The following EML6 variants were observed in gnomAD, a reference collection of about 807,000 sequenced individuals.
EML6 encodes echinoderm microtubule-associated protein-like 6.
In EML6, 154 loss-of-function variants were observed where a neutral mutation model predicts 240.1. The ratio of observed to expected loss-of-function variants is 0.64; its 90% CI spans 0.56 to 0.73. The LOEUF is 0.73. Among genes scored for constraint, EML6 ranks in the 30% least tolerant of loss-of-function variants. EML6 has a pLI of 0.00. For missense variants in EML6, 2,964 were observed against 2,474.6 expected (o/e 1.20, Z -4.20); for synonymous variants, 1,148 against 899.0 (o/e 1.28, Z -4.95).
intron 2 of EML6, among the ~76,000 whole-genome samples, chr2:54,794,680 C>T (rs1669657738): frequency 6.6e-6 from 1 of 152,176 alleles, no homozygotes; most frequent in African/African-American, 2.4e-5. Context: ...GCTGGGCCAC[C>T]TGTAAATGGT....
intron 13 of EML6, among the ~76,000 whole-genome samples, chr2:54,865,252 G>A (rs918571935): frequency 6.7e-6 from 1 of 150,008 alleles, no homozygotes; most frequent in Non-Finnish European, 1.5e-5. Flanking sequence ...GCTTTGGGAG[G>A]ACAAAGTGGG....
chr2:54,799,168 C>A (rs1467769113), intron 2 of EML6, among the ~76,000 whole-genome samples: 1 of 152,212 alleles, frequency 6.6e-6, no homozygotes, highest in African/African-American at 2.4e-5. Context: ...TCAAGTGATT[C>A]TCTTGCCTCA....
At chr2:54,738,373 A>G (rs1325660130) in intron 2 of EML6, among the ~76,000 whole-genome samples, 3 of 152,204 alleles carry the variant, frequency 2.0e-5, no homozygotes, top group African/African-American at 2.4e-5. Context: ...TATGAAGCCT[A>G]TAGACACCAT....
chr2:54,864,320 C>A (rs566246532), intron 13 of EML6, among the ~76,000 whole-genome samples: 1 of 152,278 alleles, frequency 6.6e-6, no homozygotes, highest in South Asian at 2.1e-4. Context: ...TATTAACTTA[C>A]TGCAACCATT....
intron 7 of EML6, among the ~76,000 whole-genome samples, chr2:54,840,493 T>C (rs988282161): frequency 1.3e-5 from 2 of 152,254 alleles, no homozygotes; most frequent in Admixed American, 6.5e-5. Flanking sequence ...CTTTTTCAAA[T>C]GTAATCTTCA....
chr2:54,906,343 C>G (rs968986626), intron 24 of EML6, among the ~76,000 whole-genome samples: 2 of 152,114 alleles, frequency 1.3e-5, no homozygotes, highest in Non-Finnish European at 1.5e-5. Flanking sequence ...AAGTAAGTCC[C>G]AGATAGAAAG....
chr2:54,866,621 GA>G lies in EML6; in HGVS notation c.1933-140del. 6.6e-6 allele frequency: 3 copies of G among 452,614 alleles called. No homozygotes were observed. In the East Asian group the frequency reaches 9.9e-5, roughly 15 times the overall value. 28.0% of individuals were successfully genotyped at this position (452,614 alleles called of 1,614,324 possible). On this transcript the variant is annotated intron_variant, in intron 13 of 41. Coordinates refer to ENST00000356458, the MANE Select transcript of EML6 (RefSeq NM_001039753.4). ...AGTTCATATTAGTTTTATTCATTAG[GA>G]AAAAGTAATATTCATTCTCATGTCT...
intron 8 of EML6, among the ~76,000 whole-genome samples, chr2:54,845,542 A>C (rs778166875): frequency 3.3e-5 from 5 of 152,260 alleles, no homozygotes; most frequent in Non-Finnish European, 5.9e-5. Context: ...AAATTTAGGA[A>C]GGCTAAAAGT....
chr2:54,940,138 C>T (rs898350620), intron 28 of EML6, among the ~76,000 whole-genome samples: 5 of 152,178 alleles, frequency 3.3e-5, no homozygotes, highest in East Asian at 1.9e-4. Flanking sequence ...AACTGACAGG[C>T]GCTAGCACCA....
chr2:54,930,779 G>A (rs925221285), intron 28 of EML6, among the ~76,000 whole-genome samples: 2 of 152,030 alleles, frequency 1.3e-5, no homozygotes, highest in Non-Finnish European at 2.9e-5. Flanking sequence ...AGCATGCCGG[G>A]AGCAGAGTGG....
chr2:54,887,896 C>G (rs1672239504), intron 17 of EML6, among the ~76,000 whole-genome samples: 1 of 152,204 alleles, frequency 6.6e-6, no homozygotes, highest in Non-Finnish European at 1.5e-5. Flanking sequence ...TGTTACAATT[C>G]ATGAACCTAC....
chr2:54,744,904 G>GCACACACACA (rs1683833253), intron 2 of EML6, among the ~76,000 whole-genome samples: 1 of 58,938 alleles, frequency 1.7e-5, no homozygotes. Flanking sequence ...ACACACACAC[G>GCACACACACA]TACACACACA....
chr2:54,928,668 C>T lies in EML6; in HGVS notation c.3921C>T (p.Thr1307=). The change falls in exon 28 of 42, where the codon ACC becomes ACT. Residue 1307 remains threonine, a synonymous_variant. Transcript: ENST00000356458. The stretch of plus-strand genomic sequence containing the variant: ...CTAGAGAAAAGGCCATTGACTACAC[C>T]ACCAAGATTTATGCTGTGAGCATCA... ...DVAREKAIDY[T]TKIYAVSIRE... 6.4e-7 allele frequency: 1 copy of T among 1,552,052 alleles called. No homozygotes were observed. Among genetic ancestry groups the T allele is most frequent in the Non-Finnish European group, 8.7e-7 (1 of 1,147,050 alleles).
intron 28 of EML6, among the ~76,000 whole-genome samples, chr2:54,942,745 G>A (rs1036443203): frequency 6.6e-6 from 1 of 152,126 alleles, no homozygotes; most frequent in African/African-American, 2.4e-5. Context: ...CATGCCCTGG[G>A]TTACATCATC....
At chr2:54,753,641 C>G (rs1684270502) in intron 2 of EML6, among the ~76,000 whole-genome samples, 1 of 151,372 alleles carries the variant, frequency 6.6e-6, no homozygotes. Context: ...CCTAGGGCCC[C>G]CAGTAAGAAT....
chr2:54,964,276 A>G (rs952910891), intron 37 of EML6, 118 bp downstream of exon 37: 2 of 1,007,062 alleles, frequency 2.0e-6, no homozygotes, highest in East Asian at 5.2e-5. Context: ...CACTTTCAAC[A>G]AGCCACCTAT....
chr2:54,896,841 C>CAAGG (rs1672797543), intron 21 of EML6, among the ~76,000 whole-genome samples: 1 of 152,088 alleles, frequency 6.6e-6, no homozygotes, highest in Non-Finnish European at 1.5e-5. Flanking sequence ...AACACAGGTG[C>CAAGG]CCAAATCCCA....
chr2:54,890,359 A>G (rs1420528913), intron 17 of EML6, among the ~76,000 whole-genome samples: 1 of 152,166 alleles, frequency 6.6e-6, no homozygotes, highest in Non-Finnish European at 1.5e-5. Context: ...TATTAAAATT[A>G]TGTCCTAATA....
At chr2:54,843,902 A>T (rs1669603544) in intron 7 of EML6, 145 bp from the exon 8 acceptor site, 1 of 648,458 alleles carries the variant, frequency 1.5e-6, no homozygotes, top group Admixed American at 2.5e-5. Flanking sequence ...TCTGCCTCCA[A>T]GAGTCTTTAA....
Sources: allele counts gnomAD v4.1 joint callset (sites outside exome capture counted in the v4.1 genomes callset), GRCh38; gene constraint gnomAD v4.1.1; transcripts MANE v1.5; gene names NCBI Gene and HGNC (gene_info 2026-07-23, HGNC 2026-07-21).